Variants in CPNE5 observed in about 807,000 individuals in gnomAD.
CPNE5 encodes copine 5, also known as copine-5.
In CPNE5, 42 loss-of-function variants were observed where a neutral mutation model predicts 81.1. The ratio of observed to expected loss-of-function variants is 0.52; its 90% confidence interval spans 0.40 to 0.67. The LOEUF is 0.67. CPNE5 is among the 30% of genes least tolerant of loss of function. The probability of loss-of-function intolerance (pLI) is 0.00; values close to 1 mark genes in which losing one functional copy is unlikely to be tolerated. For synonymous variants in CPNE5, 313 were observed against 321.5 expected (o/e 0.97, Z 0.28); for missense variants, 612 against 815.5 (o/e 0.75, Z 3.04).
intron 10 of CPNE5, among the ~76,000 whole-genome samples, chr6:36,767,152 G>A (rs567656470): frequency 2.6e-4 from 40 of 152,302 alleles, no homozygotes; most frequent in African/African-American, 9.4e-4. Flanking sequence ...CACGGCGCCC[G>A]GCCTCTGATA....
At chr6:36,762,256 A>G (rs957592009) in intron 12 of CPNE5, among the ~76,000 whole-genome samples, 1 of 151,012 alleles carries the variant, frequency 6.6e-6, no homozygotes, top group African/African-American at 2.4e-5. Context: ...GGGAGAACAC[A>G]CACATGCACA....
At chr6:36,804,092 A>T (rs918110960) in intron 3 of CPNE5, among the ~76,000 whole-genome samples, 2 of 152,252 alleles carry the variant, frequency 1.3e-5, no homozygotes, top group Non-Finnish European at 2.9e-5. Context: ...ACAAATGAGG[A>T]AACTAAAAAT....
intron 8 of CPNE5, among the ~76,000 whole-genome samples, chr6:36,788,429 G>A (rs776566962): frequency 6.6e-6 from 1 of 152,104 alleles, no homozygotes; most frequent in Non-Finnish European, 1.5e-5. Context: ...GTGAGGGCTC[G>A]AGGCTCCAGG....
chr6:36,768,773 G>C (rs757241477), intron 10 of CPNE5, among the ~76,000 whole-genome samples: 12 of 152,212 alleles, frequency 7.9e-5, no homozygotes, highest in Non-Finnish European at 1.3e-4. Flanking sequence ...AAAGGCTCAG[G>C]ACAGAGGCCT....
intron 1 of CPNE5, among the ~76,000 whole-genome samples, chr6:36,834,116 G>A (rs1773202427): frequency 6.6e-6 from 1 of 151,480 alleles, no homozygotes; most frequent in Admixed American, 6.6e-5. Flanking sequence ...TTAGCTAGAT[G>A]TGGTGGTGTG....
chr6:36,773,734 CA>C (rs1461921755), intron 10 of CPNE5, among the ~76,000 whole-genome samples: 1 of 152,168 alleles, frequency 6.6e-6, no homozygotes, highest in Non-Finnish European at 1.5e-5. Flanking sequence ...CCCAGGTTGA[CA>C]GTGCTTTTTG....
intron 3 of CPNE5, among the ~76,000 whole-genome samples, chr6:36,804,791 A>G (rs1770437853): frequency 1.3e-5 from 2 of 152,120 alleles, no homozygotes; most frequent in Non-Finnish European, 2.9e-5. Context: ...TAAGAAGACA[A>G]TGGAGTTCCC....
At chr6:36,744,995 G>A (rs990542103) in intron 18 of CPNE5, 53 bp downstream of exon 18, 15 of 1,282,172 alleles carry the variant, frequency 1.2e-5, no homozygotes, top group East Asian at 6.9e-5. Context: ...TTCCCCTAAC[G>A]GGGAGGAAGA....
chr6:36,745,361 C>A, intron 17 of CPNE5, 27 bp downstream of exon 17: 1 of 1,596,414 alleles, frequency 6.3e-7, no homozygotes, highest in Non-Finnish European at 8.5e-7. Context: ...CTTGTGAGTG[C>A]CTGGAGGCGG....
chr6:36,792,869 G>C (rs1242016506), intron 7 of CPNE5, among the ~76,000 whole-genome samples: 1 of 152,214 alleles, frequency 6.6e-6, no homozygotes, highest in East Asian at 1.9e-4. Context: ...CTAAGCCAGA[G>C]GTGGGGGAGT....
intron 8 of CPNE5, among the ~76,000 whole-genome samples, chr6:36,791,437 A>G (rs1009493071): frequency 3.3e-5 from 5 of 152,190 alleles, no homozygotes; most frequent in Non-Finnish European, 7.3e-5. Context: ...CTTTATCATT[A>G]TTATTAATTA....
At chr6:36,765,236 C>CG (rs1201652817) in intron 11 of CPNE5, 99 bp downstream of exon 11, 99 of 1,348,854 alleles carry the variant, frequency 7.3e-5, no homozygotes, top group African/African-American at 1.6e-4. Flanking sequence ...AGAGCCACTG[C>CG]GGGGGGGAGC....
intron 6 of CPNE5, among the ~76,000 whole-genome samples, chr6:36,796,963 T>A (rs1769638857): frequency 6.6e-6 from 1 of 152,094 alleles, no homozygotes; most frequent in African/African-American, 2.4e-5. Context: ...CAGGTTGGAG[T>A]ACAGTAGCCC....
intron 20 of CPNE5, chr6:36,742,825 G>C: frequency 1.0e-6 from 1 of 985,360 alleles, no homozygotes; most frequent in South Asian, 4.7e-5. Flanking sequence ...CTGACTTCTG[G>C]GGCACGTGCC....
At chr6:36,781,031 C>T (rs1015413288) in intron 8 of CPNE5, among the ~76,000 whole-genome samples, 2 of 152,184 alleles carry the variant, frequency 1.3e-5, no homozygotes, top group African/African-American at 4.8e-5. Context: ...CACCACTTCC[C>T]TGTTTTCTTT....
At chr6:36,785,237 G>C (rs975964491) in intron 8 of CPNE5, among the ~76,000 whole-genome samples, 1 of 152,170 alleles carries the variant, frequency 6.6e-6, no homozygotes, top group Non-Finnish European at 1.5e-5. Flanking sequence ...AGAGGGCTGT[G>C]AAGGTTGGAG....
chr6:36,764,379 C>T (rs1766356864), intron 11 of CPNE5, among the ~76,000 whole-genome samples: 1 of 152,014 alleles, frequency 6.6e-6, no homozygotes, highest in Non-Finnish European at 1.5e-5. Flanking sequence ...AGGAGAGTTC[C>T]TTGGAAGGGG....
intron 1 of CPNE5, among the ~76,000 whole-genome samples, chr6:36,829,899 G>C (rs931412391): frequency 4.4e-5 from 6 of 136,432 alleles, no homozygotes; most frequent in African/African-American, 1.4e-4. Flanking sequence ...TGGTCCCACA[G>C]AGGCCCCTGA....
At chr6:36,771,836 C>A (rs1284488810) in intron 10 of CPNE5, among the ~76,000 whole-genome samples, 4 of 133,890 alleles carry the variant, frequency 3.0e-5, no homozygotes, top group African/African-American at 1.1e-4. Flanking sequence ...GGCTGGGGGG[C>A]GGGGGGATAG....
Sources: allele counts gnomAD v4.1 joint callset (sites outside exome capture counted in the v4.1 genomes callset), GRCh38; gene constraint gnomAD v4.1.1; transcripts MANE v1.5; gene names NCBI Gene and HGNC (gene_info 2026-07-23, HGNC 2026-07-21).